The following COLEC10 variants were observed in gnomAD, a reference collection of about 807,000 sequenced individuals.
The protein encoded by COLEC10 is collectin-10.
In COLEC10, 22 loss-of-function variants were observed where a neutral mutation model predicts 28.4. The ratio of observed to expected loss-of-function variants is 0.78; its 90% confidence interval spans 0.55 to 1.11. The LOEUF (loss-of-function observed/expected upper bound fraction) is 1.11. Ranked by LOEUF, COLEC10 falls within the 50% of genes least tolerant of loss-of-function variation. The pLI, the probability that COLEC10 is intolerant of heterozygous loss-of-function variation, is 0.00. For missense variants in COLEC10, 361 were observed against 344.1 expected (o/e 1.05, Z -0.39); for synonymous variants, 125 against 116.1 (o/e 1.08, Z -0.49).
the COLEC10 span, among the ~76,000 whole-genome samples, chr8:118,967,434 A>G: frequency 1.2e-4 from 19 of 152,102 alleles, no homozygotes; most frequent in Non-Finnish European, 2.9e-5. Flanking sequence ...GCCCTGGATT[A>G]ATTTCTGCTC....
intron 1 of COLEC10, among the ~76,000 whole-genome samples, chr8:119,088,975 T>C (rs868214083): frequency 1.7e-4 from 26 of 152,098 alleles, no homozygotes. Flanking sequence ...TTTCTCCAGA[T>C]AGTGAGTGGT....
intron 3 of COLEC10, among the ~76,000 whole-genome samples, chr8:119,097,065 A>T (rs1815734762): frequency 6.6e-6 from 1 of 152,250 alleles, no homozygotes; most frequent in South Asian, 2.1e-4. Flanking sequence ...CAACAACATG[A>T]AAAATTTATA....
chr8:119,007,470 G>A (rs1813825531), intron 1 of COLEC10, among the ~76,000 whole-genome samples: 1 of 145,426 alleles, frequency 6.9e-6, no homozygotes, highest in African/African-American at 2.8e-5. Flanking sequence ...AAATTATTGG[G>A]ATTTACCCAT....
chr8:119,104,315 G>C (rs1014941090), intron 5 of COLEC10, among the ~76,000 whole-genome samples: 1 of 152,256 alleles, frequency 6.6e-6, no homozygotes, highest in Middle Eastern at 3.4e-3. Flanking sequence ...TTACATAATT[G>C]TTTATGTAGT....
intron 2 of COLEC10, among the ~76,000 whole-genome samples, chr8:119,043,691 T>G (rs1814536039): frequency 6.6e-6 from 1 of 152,258 alleles, no homozygotes; most frequent in Admixed American, 6.5e-5. Context: ...TTTTATTTTT[T>G]TCTTATAGTT....
At chr8:118,963,159 T>C in the COLEC10 span, among the ~76,000 whole-genome samples, 2 of 152,150 alleles carry the variant, frequency 1.3e-5, no homozygotes, top group African/African-American at 4.8e-5. Context: ...TAAAGTTCAG[T>C]TCAGGAGTTA....
the COLEC10 span, among the ~76,000 whole-genome samples, chr8:118,979,062 A>G: frequency 6.6e-6 from 1 of 152,062 alleles, no homozygotes; most frequent in Non-Finnish European, 1.5e-5. Flanking sequence ...ATTTGCTCAC[A>G]AAGTTTATAT....
the COLEC10 span, among the ~76,000 whole-genome samples, chr8:118,960,528 T>C: frequency 6.6e-6 from 1 of 152,178 alleles, no homozygotes; most frequent in African/African-American, 2.4e-5. Flanking sequence ...GATTGTGCTG[T>C]AATCCCAGCA....
At chr8:118,992,558 G>A (rs760153441), upstream of COLEC10, among the ~76,000 whole-genome samples, 3 of 152,026 alleles carry the variant, frequency 2.0e-5, no homozygotes, top group African/African-American at 7.2e-5. Context: ...TAAAGAACTC[G>A]ACCTTAAAAA....
At chr8:118,960,662 G>C in the COLEC10 span, among the ~76,000 whole-genome samples, 3 of 151,950 alleles carry the variant, frequency 2.0e-5, no homozygotes, top group African/African-American at 7.3e-5. Flanking sequence ...GCATGCGCCT[G>C]TAGTCCCAGC....
intron 2 of COLEC10, among the ~76,000 whole-genome samples, chr8:119,010,528 A>T (rs1288292350): frequency 6.6e-6 from 1 of 150,938 alleles, no homozygotes; most frequent in Non-Finnish European, 1.5e-5. Flanking sequence ...ATCAAGGAAC[A>T]CAATTACTAG....
At chr8:119,002,988 C>T (rs1813728282) in intron 1 of COLEC10, among the ~76,000 whole-genome samples, 1 of 152,050 alleles carries the variant, frequency 6.6e-6, no homozygotes, top group Admixed American at 6.6e-5. Flanking sequence ...GTTTTTTCTC[C>T]ATTGGCTTAG....
At chr8:119,074,522 A>G (rs1815187997) in intron 1 of COLEC10, among the ~76,000 whole-genome samples, 1 of 152,140 alleles carries the variant, frequency 6.6e-6, no homozygotes, top group Non-Finnish European at 1.5e-5. Context: ...TATATAGCTT[A>G]CCTATCATTT....
At chr8:119,098,810 C>A in intron 3 of COLEC10, among the ~76,000 whole-genome samples, 1 of 152,008 alleles carries the variant, frequency 6.6e-6, no homozygotes, top group East Asian at 1.9e-4. Flanking sequence ...AATTTATGAG[C>A]ATGTCCTGGA....
chr8:119,102,356 G>A lies in COLEC10; in HGVS notation c.301G>A (p.Gly101Arg). ...CTATTGTTTTTTTTCAGGTGACAAAGGGGAAAAAGGTTTGCTTGGAATACC... is the reference window on the plus strand; with the variant it reads ...CTATTGTTTTTTTTCAGGTGACAAAAGGGAAAAAGGTTTGCTTGGAATACC... Reference protein sequence around the residue: ...TGPIGKKGDKGEKGLLGIPGE... With the variant: ...TGPIGKKGDKREKGLLGIPGE... Residue 101 changes from glycine (G) to arginine (R), a missense_variant, in exon 4 of 6, where the codon GGG becomes AGG. Physicochemically the swap from Gly to Arg is moderately radical, Grantham distance 125. This residue lies in a region of COLEC10 where 335 missense variants were observed against 308.5 expected (regional missense o/e 1.09). Coordinates refer to ENST00000332843, the MANE Select transcript of COLEC10 (RefSeq NM_006438.5). 6.2e-7 allele frequency: 1 copy of A among 1,602,978 alleles called. No individual in the cohort carries two copies. The highest frequency in any genetic ancestry group is 8.5e-7 in the Non-Finnish European group (1 of 1,173,704).
At chr8:119,002,175 A>G (rs1277937580) in intron 1 of COLEC10, among the ~76,000 whole-genome samples, 1 of 152,170 alleles carries the variant, frequency 6.6e-6, no homozygotes, top group Admixed American at 6.6e-5. Flanking sequence ...TTTAGTGTAT[A>G]CATTTGTATA....
chr8:119,076,444 G>C (rs1054115290), intron 1 of COLEC10, among the ~76,000 whole-genome samples: 1 of 151,914 alleles, frequency 6.6e-6, no homozygotes, highest in Non-Finnish European at 1.5e-5. Context: ...TGTATTTTTA[G>C]TAGAGATGGG....
the COLEC10 span, among the ~76,000 whole-genome samples, chr8:118,986,039 G>T: frequency 6.6e-6 from 1 of 152,114 alleles, no homozygotes; most frequent in Admixed American, 6.6e-5. Context: ...CTCCGTGACA[G>T]ACTCTCTAGT....
At chr8:119,084,906 T>G (rs1255246754) in intron 1 of COLEC10, among the ~76,000 whole-genome samples, 3 of 152,190 alleles carry the variant, frequency 2.0e-5, no homozygotes, top group Non-Finnish European at 4.4e-5. Context: ...GTAATGATTA[T>G]ATAATAGAGA....
Sources: allele counts gnomAD v4.1 joint callset (sites outside exome capture counted in the v4.1 genomes callset), GRCh38; gene constraint gnomAD v4.1.1; regional missense constraint gnomAD v4.1.1; transcripts MANE v1.5; gene names NCBI Gene and HGNC (gene_info 2026-07-23, HGNC 2026-07-21).